CEP128: variants seen among roughly 807,000 people sequenced by gnomAD.
CEP128 encodes centrosomal protein 128, also known as centrosomal protein 128kDa.
Under a neutral mutation model 156.7 loss-of-function variants are expected in CEP128, and 132 were observed. The observed-to-expected ratio is 0.84, with a 90% CI of 0.73 to 0.97. The LOEUF (loss-of-function observed/expected upper bound fraction) is 0.97, where lower values mean the gene tolerates loss of function less well. Among genes scored for constraint, CEP128 ranks in the 50% least tolerant of loss-of-function variants. CEP128 has a pLI of 0.00. For synonymous variants in CEP128, 469 were observed against 448.9 expected, an observed-to-expected ratio of 1.04 and a Z score of -0.57; for missense variants, 1,252 against 1,281.9, an observed-to-expected ratio of 0.98 and a Z score of 0.36.
chr14:80,745,894 G>A (rs1899074697), intron 18 of CEP128, among the ~76,000 whole-genome samples: 1 of 151,636 alleles, frequency 6.6e-6, no homozygotes, highest in African/African-American at 2.4e-5. Flanking sequence ...GAACAAAAGA[G>A]TCCAGCATAT....
chr14:80,694,211 C>T (rs1465448622), intron 19 of CEP128, among the ~76,000 whole-genome samples: 2 of 152,114 alleles, frequency 1.3e-5, no homozygotes, highest in Non-Finnish European at 2.9e-5. Flanking sequence ...CAGTGAGATA[C>T]CATTTCACAT....
At chr14:80,486,937 A>T (rs1224598297), downstream of CEP128, among the ~76,000 whole-genome samples, 1 of 152,194 alleles carries the variant, frequency 6.6e-6, no homozygotes, top group Non-Finnish European at 1.5e-5. Flanking sequence ...AAATGTAAAG[A>T]CCATCAAGGC....
At chr14:80,794,247 A>C (rs1901870420) in intron 13 of CEP128, among the ~76,000 whole-genome samples, 1 of 152,214 alleles carries the variant, frequency 6.6e-6, no homozygotes, top group Non-Finnish European at 1.5e-5. Context: ...CCAGGTCCAG[A>C]TTCTATGATC....
intron 16 of CEP128, among the ~76,000 whole-genome samples, chr14:80,770,256 G>T (rs1275096959): frequency 6.6e-6 from 1 of 152,140 alleles, no homozygotes; most frequent in Non-Finnish European, 1.5e-5. Context: ...GTAAATAGTT[G>T]GTAGGAAAGT....
intron 1 of CEP128, among the ~76,000 whole-genome samples, chr14:80,940,262 G>A (rs78822514): frequency 2.6e-5 from 4 of 152,144 alleles, no homozygotes; most frequent in South Asian, 2.1e-4. Flanking sequence ...GACAAGATAC[G>A]CTGAGAGAAC....
chr14:80,601,906 C>T (rs1406381767), intron 19 of CEP128, among the ~76,000 whole-genome samples: 1 of 152,062 alleles, frequency 6.6e-6, no homozygotes, highest in Non-Finnish European at 1.5e-5. Flanking sequence ...AATATAAACT[C>T]TCCAGTTAAA....
chr14:80,754,123 G>C (rs894562975), intron 18 of CEP128, among the ~76,000 whole-genome samples: 4 of 152,110 alleles, frequency 2.6e-5, no homozygotes, highest in Non-Finnish European at 5.9e-5. Flanking sequence ...TCTGAATCCA[G>C]GATCCTCAAA....
intron 21 of CEP128, among the ~76,000 whole-genome samples, chr14:80,539,917 G>T (rs1210918619): frequency 6.6e-6 from 1 of 152,116 alleles, no homozygotes; most frequent in Non-Finnish European, 1.5e-5. Context: ...CTGGTCTCCT[G>T]CAGTACCCTC....
chr14:80,554,178 A>G (rs959965410), intron 21 of CEP128, among the ~76,000 whole-genome samples: 3 of 152,208 alleles, frequency 2.0e-5, no homozygotes, highest in Non-Finnish European at 4.4e-5. Flanking sequence ...TTAATTTTCT[A>G]ATGTTAAACC....
intron 16 of CEP128, among the ~76,000 whole-genome samples, chr14:80,764,295 G>C (rs531514283): frequency 6.6e-6 from 1 of 151,626 alleles, no homozygotes; most frequent in East Asian, 1.9e-4. Context: ...TCAGGAGATC[G>C]AGACCATCCT....
intron 19 of CEP128, among the ~76,000 whole-genome samples, chr14:80,592,683 G>T (rs947588615): frequency 6.6e-6 from 1 of 151,992 alleles, no homozygotes; most frequent in Non-Finnish European, 1.5e-5. Context: ...AAAACCAGGC[G>T]GAGACACAAC....
intron 20 of CEP128, among the ~76,000 whole-genome samples, chr14:80,563,237 T>C (rs190713099): frequency 6.6e-6 from 1 of 152,042 alleles, no homozygotes; most frequent in African/African-American, 2.4e-5. Context: ...GGCTTAATCC[T>C]GAAAAGAAAA....
At chr14:80,804,139 TAATTA>T (rs1414648387) in intron 13 of CEP128, among the ~76,000 whole-genome samples, 2 of 138,050 alleles carry the variant, frequency 1.4e-5, no homozygotes, top group African/African-American at 5.0e-5. Context: ...CATTTTTAAA[TAATTA>T]AAAGTTTTTA....
chr14:80,483,574 T>C (rs538186547), intron 14 of CEP128, among the ~76,000 whole-genome samples: 136 of 152,334 alleles, frequency 8.9e-4, no homozygotes, highest in African/African-American at 3.2e-3. Flanking sequence ...TTCTGTGAAG[T>C]GCTGAAAGAC....
At chr14:80,484,215 C>T (rs1684419671) in intron 14 of CEP128, among the ~76,000 whole-genome samples, 2 of 152,190 alleles carry the variant, frequency 1.3e-5, no homozygotes, top group South Asian at 4.1e-4. Context: ...TGAGCTCAAG[C>T]AATCTGCCTG....
At chr14:80,495,357 C>T (rs1887457194), downstream of CEP128, among the ~76,000 whole-genome samples, 1 of 152,102 alleles carries the variant, frequency 6.6e-6, no homozygotes, top group African/African-American at 2.4e-5. Flanking sequence ...TCAGAGGAGA[C>T]AGGTCCCTGG....
intron 16 of CEP128, among the ~76,000 whole-genome samples, chr14:80,762,035 G>A (rs533790595): frequency 6.6e-6 from 1 of 152,088 alleles, no homozygotes; most frequent in African/African-American, 2.4e-5. Flanking sequence ...TTCTTCATTT[G>A]AGGAAAAAAA....
At chr14:80,603,052 C>T (rs1271794110) in intron 19 of CEP128, among the ~76,000 whole-genome samples, 2 of 152,100 alleles carry the variant, frequency 1.3e-5, no homozygotes, top group African/African-American at 4.8e-5. Flanking sequence ...CTTCACTTTC[C>T]AAAGGGCTTT....
At chr14:80,479,776 C>T (rs541288975) in intron 14 of CEP128, among the ~76,000 whole-genome samples, 44 of 152,244 alleles carry the variant, frequency 2.9e-4, no homozygotes, top group Admixed American at 2.2e-3. Context: ...AGTCCACAGT[C>T]CAAAGTCTCA....
Sources: gnomAD v4.1 joint callset for allele counts (sites outside exome capture counted in the v4.1 genomes callset) on GRCh38, gnomAD v4.1.1 for gene constraint, MANE v1.5 for transcripts, NCBI Gene and HGNC (gene_info 2026-07-23, HGNC 2026-07-21) for gene names.